CHML: variants seen among roughly 807,000 people sequenced by gnomAD.
CHML encodes CHM like Rab escort protein.
Under a neutral mutation model 30.4 loss-of-function variants are expected in CHML, and 20 were observed. The observed-to-expected ratio is 0.66, with a 90% CI of 0.46 to 0.95. The LOEUF (loss-of-function observed/expected upper bound fraction) is 0.95. CHML is among the 40% of genes least tolerant of loss of function. The probability of loss-of-function intolerance (pLI) is 0.00; values close to 1 mark genes in which losing one functional copy is unlikely to be tolerated. For missense variants in CHML, 795 were observed against 768.5 expected, an observed-to-expected ratio of 1.03 and a Z score of -0.41; for synonymous variants, 281 against 275.0, an observed-to-expected ratio of 1.02 and a Z score of -0.22.
intron 1 of CHML, among the ~76,000 whole-genome samples, chr1:241,637,397 C>T (rs976053828): frequency 6.6e-6 from 1 of 152,182 alleles, no homozygotes; most frequent in Non-Finnish European, 1.5e-5. Flanking sequence ...TTTGGCATTC[C>T]CTAAGAAGCC....
Position 241,640,213 on chromosome 1 carries a change from G to T in CHML, c.-639C>A. The T allele has an allele frequency of 7.4e-7, 1 of 1,357,196 alleles. No homozygotes were observed. The allele number at this position is 1,357,196 out of a possible 1,614,324, so 84.1% of individuals were successfully genotyped here. On this transcript the variant is annotated 5_prime_UTR_variant, in exon 1 of 2. Coordinates refer to ENST00000366553, the MANE Select transcript of CHML (RefSeq NM_001381853.1). Reference sequence around the variant, plus strand: ...CCTCAGCGCCCGCGGCCCCGCCGCCGTCCCAGTAGCCGTGGCCGCCGCTGC... The same window carrying T: ...CCTCAGCGCCCGCGGCCCCGCCGCCTTCCCAGTAGCCGTGGCCGCCGCTGC...
rs766614640 is a variant in CHML at position 241,633,920 on chromosome 1, A to G, written c.1847T>C (p.Ile616Thr). ...FCPPPPNPED[I>T]IFDGDDKQPE... ...CTGCTTATCATCACCATCAAAGATA[A>G]TGTCTTCTGGATTTGGAGGTGGAGG... The change falls in exon 2 of 2, where the codon ATT becomes ACT. Residue 616 changes from isoleucine (I) to threonine (T), a missense_variant. Physicochemically the swap from Ile to Thr is moderately conservative, Grantham distance 89 (BLOSUM62 -1). Transcript: ENST00000366553. 3 of 1,613,892 alleles carry G rather than the reference A, an allele frequency of 1.9e-6. No homozygotes were observed. Among genetic ancestry groups the G allele is most frequent in the Middle Eastern group, 1.7e-4 (1 of 6,060 alleles).
rs886837542 is a variant in CHML at position 241,632,849 on chromosome 1, T to A, written c.*947A>T. On this transcript the variant is annotated 3_prime_UTR_variant, in exon 2 of 2. Coordinates refer to ENST00000366553, the MANE Select transcript of CHML (RefSeq NM_001381853.1). ...TAGAGGGTTTTATAAGTATCTGTAA[T>A]CTCAGGTTAAAAAGGCCTCACTCTG... 1 of 152,068 alleles carries A rather than the reference T, an allele frequency of 6.6e-6. No individual in the cohort carries two copies. Among genetic ancestry groups the A allele is most frequent in the Non-Finnish European group, 1.5e-5 (1 of 67,982 alleles). The allele number at this position is 152,068 out of a possible 1,614,324, so 9.4% of individuals were successfully genotyped here.
chr1:241,635,450 C>A lies in CHML; in HGVS notation c.317G>T (p.Ser106Ile), dbSNP rs911344543. The change falls in exon 2 of 2, where the codon AGT (serine) becomes ATT (isoleucine). Residue 106 changes from serine (S) to isoleucine (I), a missense_variant. Physicochemically the swap from Ser to Ile is moderately radical, Grantham distance 142. Transcript: ENST00000366553. The stretch of plus-strand genomic sequence containing the variant: ...TTCAACGTTGTCCTCCATATCCTGA[C>A]TGGCGTAGCAAAAAGCTTCTGTGTG... ...IQHTEAFCYASQDMEDNVEEI... is the reference protein window; with the variant it reads ...IQHTEAFCYAIQDMEDNVEEI... The A allele has an allele frequency of 6.2e-7, 1 of 1,613,858 alleles. No homozygotes were observed. Among genetic ancestry groups the A allele is most frequent in the Non-Finnish European group, 8.5e-7 (1 of 1,179,932 alleles).
At chr1:241,637,667 A>G (rs1007674794) in intron 1 of CHML, among the ~76,000 whole-genome samples, 2 of 152,214 alleles carry the variant, frequency 1.3e-5, no homozygotes, top group African/African-American at 4.8e-5. Context: ...CAAAGGGGTC[A>G]TCAAAATGCA....
In CHML at chr1:241,634,295, A is replaced by T. The variant is rs761610842; in HGVS notation, c.1472T>A (p.Val491Asp). 6.3e-5 allele frequency: 101 copies of T among 1,613,854 alleles called. No individual in the cohort carries two copies. Among genetic ancestry groups the T allele is most frequent in the Admixed American group, 1.0e-4 (6 of 59,984 alleles). Residue 491 changes from valine to aspartate, a missense_variant, in exon 2 of 2, where the codon GTC becomes GAC. By Grantham distance (152) the Val-to-Asp change is radical. Transcript: ENST00000366553. ...CATGGTTGAAGAACATAATTCTGTG[A>T]CCCGTACAGCACAAGCTCCTGGCTC... Reference protein sequence around the residue: ...PAEPGACAVRVTELCSSTMTC... With the variant: ...PAEPGACAVRDTELCSSTMTC...
rs1665045820 is a variant in CHML, at chr1:241,639,814, G to A, written c.-308+68C>T. The A allele has an allele frequency of 5.2e-6, 7 of 1,354,006 alleles. No homozygotes were observed. In the South Asian group the frequency reaches 9.7e-5, roughly 19 times the overall value. The allele number at this position is 1,354,006 out of a possible 1,614,324, so 83.9% of individuals were successfully genotyped here. On this transcript the variant is annotated intron_variant, in intron 1 of 1. Transcript: ENST00000366553. ...GGGGCGGGCTGGGGGGCGGACGCAC[G>A]GAGCGGGCAGCGGGGTGGGGAGTGG... is the stretch of plus-strand genomic sequence containing the variant.
At chr1:241,636,273 C>G (rs181930924) in intron 1 of CHML, among the ~76,000 whole-genome samples, 200 bp from the exon 2 acceptor site, 2 of 152,294 alleles carry the variant, frequency 1.3e-5, no homozygotes, top group Non-Finnish European at 1.5e-5. Context: ...TCCCAAGAAT[C>G]AGGCAACATA....
At position 241,634,193 on chromosome 1, in the gene CHML, A is replaced by G; in HGVS notation, c.1574T>C (p.Val525Ala). Residue 525 changes from valine (V) to alanine (A), a missense_variant, in exon 2 of 2, where the codon GTG (valine) becomes GCG (alanine). By Grantham distance (64) the Val-to-Ala change is moderately conservative. Coordinates refer to ENST00000366553, the MANE Select transcript of CHML (RefSeq NM_001381853.1). ...SKTAREDLES[V>A]VKKLFTPYTE... is the part of the protein sequence containing the mutation. The stretch of plus-strand genomic sequence containing the variant: ...ATACGGAGTGAATAATTTCTTCACC[A>G]CTGATTCTAAGTCTTCTCTTGCTGT... 1.2e-6 allele frequency: 2 copies of G among 1,613,980 alleles called. No individual in the cohort carries two copies. Among genetic ancestry groups the G allele is most frequent in the Non-Finnish European group, 1.7e-6 (2 of 1,179,888 alleles).
rs967188245 is a variant in CHML at position 241,636,080 on chromosome 1, G to A, written c.-307-7C>T. On this transcript the variant is annotated splice_region_variant and splice_polypyrimidine_tract_variant and intron_variant, in intron 1 of 1. Coordinates refer to ENST00000366553, the MANE Select transcript of CHML (RefSeq NM_001381853.1). The stretch of plus-strand genomic sequence containing the variant: ...TTGTGACTGGAACTCTTCTCTGAAA[G>A]AAGAAAATTCAAGAAAGAATACATT... 6.0e-4 allele frequency: 262 copies of A among 437,784 alleles called. 2 individuals are homozygous for A. Among genetic ancestry groups the A allele is most frequent in the Admixed American group, 1.0e-3 (26 of 26,030 alleles). 27.1% of individuals were successfully genotyped at this position (437,784 alleles called of 1,614,324 possible). A position where few individuals can be genotyped will look rare whatever the true frequency, so the allele number is the denominator to read the frequency against.
At position 241,636,031 on chromosome 1, in the gene CHML, T is replaced by C. The variant is rs1253992450; in HGVS notation, c.-265A>G. The C allele has an allele frequency of 4.2e-6, 2 of 478,480 alleles. No homozygotes were observed. Among genetic ancestry groups the C allele is most frequent in the South Asian group, 4.6e-5 (1 of 21,634 alleles). 29.6% of individuals were successfully genotyped at this position (478,480 alleles called of 1,614,324 possible). ...TTCTGCATTTCATCTTAGCAGTAAA[T>C]GTCAAAATGCATCATATATGCATTT... On this transcript the variant is annotated 5_prime_UTR_variant, in exon 2 of 2. Coordinates refer to ENST00000366553, the MANE Select transcript of CHML (RefSeq NM_001381853.1).
Position 241,632,764 on chromosome 1 carries a change from G to A in CHML, c.*1032C>T, listed in dbSNP as rs904758677. 6.6e-6 allele frequency: 1 copy of A among 152,114 alleles called. No homozygotes were observed. The highest frequency in any genetic ancestry group is 6.5e-5 in the Admixed American group (1 of 15,278). The allele number at this position is 152,114 out of a possible 1,614,324, so 9.4% of individuals were successfully genotyped here. A position where few individuals can be genotyped will look rare whatever the true frequency, so the allele number is the denominator to read the frequency against. ...ATGTTATAGTGATATTAATTAAAGT[G>A]GTAGAGCCAACAAGGTGGTATGTTT... On this transcript the variant is annotated 3_prime_UTR_variant, in exon 2 of 2. Transcript: ENST00000366553.
Position 241,634,293 on chromosome 1 carries a change from T to C in CHML, c.1474A>G (p.Thr492Ala), listed in dbSNP as rs1664778845. ...GTCATGGTTGAAGAACATAATTCTG[T>C]GACCCGTACAGCACAAGCTCCTGGC... The part of the protein sequence containing the change: ...AEPGACAVRV[T>A]ELCSSTMTCM... Residue 492 changes from threonine (T) to alanine (A), a missense_variant, in exon 2 of 2, where the codon ACA (threonine) becomes GCA (alanine). Transcript: ENST00000366553. The C allele has an allele frequency of 2.5e-6, 4 of 1,613,858 alleles. No homozygotes were observed. The highest frequency in any genetic ancestry group is 1.1e-5 in the South Asian group (1 of 91,082).
chr1:241,630,019 A>G lies in CHML; in HGVS notation c.*3777T>C, dbSNP rs958751009. ...ACACAGCAACCAGTTGGAATGTTAA[A>G]TGGAACTGTAGTAAATTTCATACTA... On this transcript the variant is annotated 3_prime_UTR_variant, in exon 2 of 2. Coordinates refer to ENST00000366553, the MANE Select transcript of CHML (RefSeq NM_001381853.1). The G allele has an allele frequency of 6.6e-6, 1 of 152,088 alleles. No individual in the cohort carries two copies. The highest frequency in any genetic ancestry group is 2.1e-4 in the South Asian group (1 of 4,834). 9.4% of individuals were successfully genotyped at this position (152,088 alleles called of 1,614,324 possible). A position where few individuals can be genotyped will look rare whatever the true frequency, so the allele number is the denominator to read the frequency against.
At chr1:241,637,698 C>T (rs559741987) in intron 1 of CHML, among the ~76,000 whole-genome samples, 1 of 152,280 alleles carries the variant, frequency 6.6e-6, no homozygotes, top group East Asian at 1.9e-4. Flanking sequence ...GATGGCCTTA[C>T]AGAGCATTAA....
Position 241,634,151 on chromosome 1 carries a change from T to C in CHML, c.1616A>G (p.Asn539Ser). 1 of 1,613,568 alleles carries C rather than the reference T, an allele frequency of 6.2e-7. No homozygotes were observed. The highest frequency in any genetic ancestry group is 8.5e-7 in the Non-Finnish European group (1 of 1,179,812). The change falls in exon 2 of 2, where the codon AAC becomes AGC. Residue 539 changes from asparagine to serine, a missense_variant. Transcript: ENST00000366553. Reference protein sequence around the residue: ...LFTPYTETEINEEELTKPRLL... With the variant: ...LFTPYTETEISEEELTKPRLL... Reference sequence around the variant, plus strand: ...TCTTGGCTTTGTAAGTTCTTCCTCGTTTATTTCTGTTTCAGTATACGGAGT... The same window carrying C: ...TCTTGGCTTTGTAAGTTCTTCCTCGCTTATTTCTGTTTCAGTATACGGAGT...
rs1664560813 is a variant in CHML at position 241,629,984 on chromosome 1, G to A, written c.*3812C>T. 6.6e-6 allele frequency: 1 copy of A among 151,926 alleles called. No homozygotes were observed. The highest frequency in any genetic ancestry group is 2.1e-4 in the South Asian group (1 of 4,822). The allele number at this position is 151,926 out of a possible 1,614,324, so 9.4% of individuals were successfully genotyped here. A position where few individuals can be genotyped will look rare whatever the true frequency, so the allele number is the denominator to read the frequency against. On this transcript the variant is annotated 3_prime_UTR_variant, in exon 2 of 2. Transcript: ENST00000366553. Reference sequence around the variant, plus strand: ...TTCCTAAATAATTTATTACAATTATGCCATATTCCACACAGCAACCAGTTG... The same window carrying A: ...TTCCTAAATAATTTATTACAATTATACCATATTCCACACAGCAACCAGTTG...
chr1:241,638,966 T>C (rs1665007174), intron 1 of CHML, among the ~76,000 whole-genome samples: 1 of 152,200 alleles, frequency 6.6e-6, no homozygotes, highest in Admixed American at 6.5e-5. Context: ...ATTTCAAATC[T>C]CCCTACAAAT....
intron 1 of CHML, 50 bp downstream of exon 1, chr1:241,639,832 G>C (rs1230526869): frequency 7.0e-7 from 1 of 1,419,250 alleles, no homozygotes; most frequent in Admixed American, 2.7e-5. Flanking sequence ...CAGCGGGGTG[G>C]GGAGTGGAAG....
Sources: gnomAD v4.1 joint callset for allele counts (sites outside exome capture counted in the v4.1 genomes callset) on GRCh38, gnomAD v4.1.1 for gene constraint, MANE v1.5 for transcripts, NCBI Gene and HGNC (gene_info 2026-07-23, HGNC 2026-07-21) for gene names.